The following ADGRV1 variants were observed in gnomAD, a reference collection of about 807,000 sequenced individuals.
ADGRV1 encodes the protein G-protein coupled receptor 98.
In ADGRV1, 359 loss-of-function variants were observed where a neutral mutation model predicts 596.2. The ratio of observed to expected loss-of-function variants is 0.60; its 90% CI spans 0.55 to 0.66. ADGRV1 has a LOEUF of 0.66. ADGRV1 is among the 30% of genes least tolerant of loss of function. The probability of loss-of-function intolerance (pLI) is 0.00; values close to 1 mark genes in which losing one functional copy is unlikely to be tolerated. For missense variants in ADGRV1, 7,274 were observed against 7,575.6 expected, an observed-to-expected ratio of 0.96 and a Z score of 1.48; for synonymous variants, 2,681 against 2,679.2, an observed-to-expected ratio of 1.00 and a Z score of -0.02.
At chr5:90,837,223 A>G (rs1022459195) in intron 77 of ADGRV1, among the ~76,000 whole-genome samples, 4 of 152,218 alleles carry the variant, frequency 2.6e-5, no homozygotes, top group Non-Finnish European at 5.9e-5. Context: ...ACCTATAGCT[A>G]AAAACAAATT....
chr5:90,885,076 A>G (rs1014979305), intron 83 of ADGRV1, among the ~76,000 whole-genome samples: 2 of 152,266 alleles, frequency 1.3e-5, no homozygotes, highest in Non-Finnish European at 2.9e-5. Flanking sequence ...TAGCTCCTCT[A>G]CACATGTATG....
At chr5:90,760,340 G>T (rs959734066) in intron 58 of ADGRV1, among the ~76,000 whole-genome samples, 7 of 151,914 alleles carry the variant, frequency 4.6e-5, no homozygotes, top group African/African-American at 1.5e-4. Flanking sequence ...TCTTCTCAAG[G>T]ATCTTTTGAG....
At chr5:90,611,139 A>C (rs1314467562) in intron 1 of ADGRV1, among the ~76,000 whole-genome samples, 1 of 151,936 alleles carries the variant, frequency 6.6e-6, no homozygotes, top group Non-Finnish European at 1.5e-5. Flanking sequence ...ATGTACAGGT[A>C]CACAATATAC....
chr5:90,690,108 T>C (rs1420313700), intron 30 of ADGRV1, 32 bp downstream of exon 30: 2 of 1,190,378 alleles, frequency 1.7e-6, no homozygotes, highest in African/African-American at 3.0e-5. Context: ...TCTCTTTGAC[T>C]TGTCTGCATG....
rs370864614 is a variant in ADGRV1, at chr5:90,644,883, A to G, written c.2898+14A>G. 4.6e-5 allele frequency: 70 copies of G among 1,535,234 alleles called. No individual in the cohort carries two copies. The highest frequency in any genetic ancestry group is 6.1e-5 in the Non-Finnish European group (69 of 1,138,398). ...CTTCCAGATGAGGTAAATATTGCATATAACTTTCTGCCTTACTTGTTGTAG... is the reference window on the plus strand; with the variant it reads ...CTTCCAGATGAGGTAAATATTGCATGTAACTTTCTGCCTTACTTGTTGTAG... On this transcript the variant is annotated intron_variant, in intron 15 of 89. Transcript: ENST00000405460.
intron 22 of ADGRV1, among the ~76,000 whole-genome samples, chr5:90,673,563 G>A (rs912263131): frequency 6.6e-6 from 1 of 152,058 alleles, no homozygotes; most frequent in Non-Finnish European, 1.5e-5. Flanking sequence ...AGGCTGGGAC[G>A]TCTGAGAGCA....
Position 90,783,889 on chromosome 5 carries a change from G to C in ADGRV1, c.13485G>C (p.Ala4495=). ...EILLTGATGG[A]VLGRHLVSRI... ...TACTCACTGGAGCTACTGGAGGAGC[G>C]GTCCTTGGGCGCCACCTAGTGAGCA... The change falls in exon 67 of 90, where the codon GCG becomes GCC. Residue 4495 remains alanine (A), a synonymous_variant. Transcript: ENST00000405460. The C allele has an allele frequency of 6.2e-7, 1 of 1,611,808 alleles. No homozygotes were observed.
intron 17 of ADGRV1, among the ~76,000 whole-genome samples, chr5:90,649,288 AATG>A (rs1367004141): frequency 6.6e-6 from 1 of 151,512 alleles, no homozygotes; most frequent in African/African-American, 2.4e-5. Context: ...AGGCGTGAAA[AATG>A]ATATTATCTT....
chr5:90,693,156 G>C (rs376574967), intron 32 of ADGRV1, among the ~76,000 whole-genome samples: 1 of 30,120 alleles, frequency 3.3e-5, no homozygotes, highest in Non-Finnish European at 6.4e-5. Flanking sequence ...TTCTTTTTTT[G>C]TGAGGCAGCA....
chr5:90,805,382 T>TG lies in ADGRV1; in HGVS notation c.14761dup (p.Ala4921GlyfsTer14). 6.2e-7 allele frequency: 1 copy of TG among 1,611,030 alleles called. No individual in the cohort carries two copies. The highest frequency in any genetic ancestry group is 8.5e-7 in the Non-Finnish European group (1 of 1,177,532). On this transcript the variant is annotated frameshift_variant, in exon 72 of 90. Transcript: ENST00000405460. LOFTEE classifies it high-confidence loss of function. ...GAGGCACATATGGAGCTCTCTCGGT[T>TG]GCCTGGACCACTGGATATGCTCCTG... is the stretch of plus-strand genomic sequence containing the variant.
At chr5:90,612,408 A>T (rs181722074) in intron 1 of ADGRV1, among the ~76,000 whole-genome samples, 129 of 152,066 alleles carry the variant, frequency 8.5e-4, no homozygotes, top group Non-Finnish European at 1.5e-3. Flanking sequence ...ATATTATTCA[A>T]GGTGGTGATG....
Position 90,693,893 on chromosome 5 carries a change from A to C in ADGRV1, c.7137A>C (p.Gly2379=), listed in dbSNP as rs1746818769. The C allele has an allele frequency of 6.5e-7, 1 of 1,542,356 alleles. No individual in the cohort carries two copies. The highest frequency in any genetic ancestry group is 1.4e-5 in the African/African-American group (1 of 72,730). Residue 2379 remains glycine (G), a synonymous_variant, in exon 33 of 90, where the codon GGA becomes GGC. Transcript: ENST00000405460. The part of the protein sequence containing the change: ...SCANITVRRS[G]GHFGRLLLFY... ...TAATTGTCACTCCACATTTTAGCGG[A>C]GGGCACTTTGGTCGGCTGTTGTTGT... is the stretch of plus-strand genomic sequence containing the variant.
intron 70 of ADGRV1, among the ~76,000 whole-genome samples, chr5:90,797,852 CAGAAATAAAGATAT>C (rs2150166139): frequency 6.6e-6 from 1 of 151,442 alleles, no homozygotes; most frequent in East Asian, 2.0e-4. Flanking sequence ...AAAATGAAGG[CAGAAATAAAGATAT>C]TCTTTGAAAC....
intron 86 of ADGRV1, among the ~76,000 whole-genome samples, chr5:91,086,614 T>G (rs1789900259): frequency 6.6e-6 from 1 of 152,208 alleles, no homozygotes; most frequent in Non-Finnish European, 1.5e-5. Flanking sequence ...CCACAATCTG[T>G]ATATTTTTAA....
At chr5:90,932,524 G>A (rs1775337135) in intron 83 of ADGRV1, among the ~76,000 whole-genome samples, 1 of 152,126 alleles carries the variant, frequency 6.6e-6, no homozygotes, top group Non-Finnish European at 1.5e-5. Context: ...GTACTAGTTT[G>A]TGGAGAGATG....
intron 86 of ADGRV1, among the ~76,000 whole-genome samples, chr5:91,077,954 A>G (rs566774629): frequency 3.3e-5 from 5 of 152,186 alleles, no homozygotes; most frequent in Non-Finnish European, 7.3e-5. Flanking sequence ...ATTCATTTCA[A>G]TCAAGAAAGA....
In ADGRV1 at chr5:90,894,461, G is replaced by A. The variant is rs183415468; in HGVS notation, c.17856+30604G>A. On this transcript the variant is annotated intron_variant, in intron 83 of 89. Transcript: ENST00000405460. The stretch of plus-strand genomic sequence containing the variant: ...GAAATAGCTTGCCTTTGCTTAGTGA[G>A]TTGTGGGGATGGCCGGCTGTGGGGT... Among the ~76,000 whole-genome samples, 43 of 152,310 alleles carry A rather than the reference G, an allele frequency of 2.8e-4. 1 individual carries two copies. The East Asian group carries it at 4.4e-3, about 16-fold the overall frequency.
intron 85 of ADGRV1, among the ~76,000 whole-genome samples, chr5:91,032,137 A>G (rs1269792702): frequency 6.6e-6 from 1 of 152,204 alleles, no homozygotes; most frequent in Admixed American, 6.5e-5. Flanking sequence ...TCCCGGAAGT[A>G]ATATTCCTGG....
At chr5:90,612,469 T>C (rs1157140670) in intron 1 of ADGRV1, among the ~76,000 whole-genome samples, 4 of 152,024 alleles carry the variant, frequency 2.6e-5, no homozygotes, top group Non-Finnish European at 1.5e-5. Flanking sequence ...GGTTATTGGG[T>C]AGAGAGTTTG....
Sources: gnomAD v4.1 joint callset for allele counts (sites outside exome capture counted in the v4.1 genomes callset) on GRCh38, gnomAD v4.1.1 for gene constraint, MANE v1.5 for transcripts, NCBI Gene and HGNC (gene_info 2026-07-23, HGNC 2026-07-21) for gene names.